ME1: variants seen among roughly 807,000 people sequenced by gnomAD.
ME1 encodes the protein NADP-dependent malic enzyme.
A neutral mutation model predicts 66.4 loss-of-function variants in ME1; 74 were observed. That is an observed-to-expected ratio of 1.11 (90% CI 0.92 to 1.35). The LOEUF (loss-of-function observed/expected upper bound fraction) is 1.35. Among genes scored for constraint, ME1 ranks in the 40% most tolerant of loss-of-function variants. ME1 has a pLI of 0.00. For synonymous variants in ME1, 251 were observed against 235.6 expected (o/e 1.07, Z -0.60); for missense variants, 750 against 694.1 (o/e 1.08, Z -0.90).
chr6:83,220,049 T>C (rs1790061712), intron 12 of ME1, among the ~76,000 whole-genome samples: 1 of 152,222 alleles, frequency 6.6e-6, no homozygotes, highest in African/African-American at 2.4e-5. Context: ...TTCAACTATT[T>C]ATATGACATA....
intron 6 of ME1, among the ~76,000 whole-genome samples, chr6:83,310,836 T>C (rs1326721867): frequency 6.6e-6 from 1 of 152,184 alleles, no homozygotes; most frequent in African/African-American, 2.4e-5. Flanking sequence ...TCAGCTTCTG[T>C]AGCTGCTGGG....
chr6:83,235,938 T>C (rs918719488), intron 9 of ME1, among the ~76,000 whole-genome samples: 2 of 152,190 alleles, frequency 1.3e-5, no homozygotes, highest in South Asian at 2.1e-4. Context: ...AGGAACAGAT[T>C]ACTAAAAATT....
chr6:83,310,950 A>C (rs1767919077), intron 6 of ME1, among the ~76,000 whole-genome samples: 1 of 152,126 alleles, frequency 6.6e-6, no homozygotes, highest in Admixed American at 6.5e-5. Context: ...GTTACAAAAG[A>C]ATGGGAATTT....
At chr6:83,324,390 A>G (rs1338582294) in intron 5 of ME1, among the ~76,000 whole-genome samples, 1 of 151,888 alleles carries the variant, frequency 6.6e-6, no homozygotes, top group Non-Finnish European at 1.5e-5. Context: ...AAAATGAATG[A>G]ATCCAGGAGC....
chr6:83,233,554 T>A (rs1444641079), intron 9 of ME1, among the ~76,000 whole-genome samples: 1 of 152,086 alleles, frequency 6.6e-6, no homozygotes, highest in Non-Finnish European at 1.5e-5. Context: ...GCTGGAATAA[T>A]AATTATCTAG....
chr6:83,381,066 A>G (rs1364944073), intron 3 of ME1, among the ~76,000 whole-genome samples: 1 of 152,160 alleles, frequency 6.6e-6, no homozygotes, highest in Admixed American at 6.6e-5. Flanking sequence ...GAGTGTTTAC[A>G]TTCTTGTAAC....
At chr6:83,228,714 G>A (rs148630524) in intron 10 of ME1, 112 bp downstream of exon 10, 68 of 719,384 alleles carry the variant, frequency 9.5e-5, no homozygotes, top group Non-Finnish European at 1.4e-4. Flanking sequence ...TTGAGCGAAC[G>A]TGTAGTTTTT....
At chr6:83,339,981 AG>A (rs67609568) in intron 5 of ME1, among the ~76,000 whole-genome samples, 44,793 of 145,456 alleles carry the variant, frequency 0.31, 7,230 homozygotes, top group Middle Eastern at 0.47. Context: ...AAAAAAAAAA[AG>A]AAAAGAAAAG....
At chr6:83,355,473 T>A (rs1317561371) in intron 3 of ME1, among the ~76,000 whole-genome samples, 2 of 152,154 alleles carry the variant, frequency 1.3e-5, no homozygotes, top group African/African-American at 2.4e-5. Flanking sequence ...AATGCCAATG[T>A]TTATTATATC....
chr6:83,364,173 C>T (rs1203402453), intron 3 of ME1, among the ~76,000 whole-genome samples: 2 of 152,080 alleles, frequency 1.3e-5, no homozygotes, highest in African/African-American at 4.8e-5. Flanking sequence ...CAGCTGCCAG[C>T]ATGGCTAGAA....
At chr6:83,229,723 C>G (rs1790262075) in intron 9 of ME1, among the ~76,000 whole-genome samples, 1 of 152,116 alleles carries the variant, frequency 6.6e-6, no homozygotes, top group African/African-American at 2.4e-5. Context: ...CACAGAATCA[C>G]CCCGGGCAAA....
chr6:83,358,002 C>T (rs1314887192), intron 3 of ME1, among the ~76,000 whole-genome samples: 6 of 119,052 alleles, frequency 5.0e-5, no homozygotes, highest in Non-Finnish European at 1.0e-4. Flanking sequence ...TCTAGAGAAC[C>T]CTGACTAATT....
intron 6 of ME1, among the ~76,000 whole-genome samples, chr6:83,271,739 C>T (rs1353574883): frequency 6.6e-6 from 1 of 152,054 alleles, no homozygotes; most frequent in African/African-American, 2.4e-5. Context: ...AAGTATGGGA[C>T]ATTCCAAATT....
At chr6:83,318,588 C>T (rs1170469) in intron 5 of ME1, among the ~76,000 whole-genome samples, 2,861 of 58,440 alleles carry the variant, frequency 0.049, 14 homozygotes, top group Middle Eastern at 0.16. Flanking sequence ...AAATGCAAAT[C>T]AAAACCACAA....
chr6:83,227,234 A>G lies in ME1; in HGVS notation c.1275+101T>C, dbSNP rs565939209. ...GTGCTTTTCTTTCCATTTTGGTTGTATAATTTTTAAACTTAAACAGTAAGC... is the reference window on the plus strand; with the variant it reads ...GTGCTTTTCTTTCCATTTTGGTTGTGTAATTTTTAAACTTAAACAGTAAGC... On this transcript the variant is annotated intron_variant, in intron 11 of 13. Transcript: ENST00000369705. The G allele has an allele frequency of 1.3e-4, 98 of 744,974 alleles. 1 individual carries two copies. The South Asian group carries it at 5.1e-3, about 38-fold the overall frequency. 46.1% of individuals were successfully genotyped at this position (744,974 alleles called of 1,614,324 possible).
chr6:83,273,749 T>C (rs1248946411), intron 6 of ME1, among the ~76,000 whole-genome samples: 1 of 152,204 alleles, frequency 6.6e-6, no homozygotes, highest in East Asian at 1.9e-4. Flanking sequence ...ATCTACTTCA[T>C]GTTATGTGTT....
At chr6:83,257,598 A>G (rs1174730400) in intron 6 of ME1, among the ~76,000 whole-genome samples, 2 of 152,170 alleles carry the variant, frequency 1.3e-5, no homozygotes, top group Middle Eastern at 3.2e-3. Flanking sequence ...CCTTTTATGT[A>G]TGATGCCGTT....
intron 7 of ME1, among the ~76,000 whole-genome samples, chr6:83,250,661 T>C (rs1790707713): frequency 6.6e-6 from 1 of 152,028 alleles, no homozygotes; most frequent in East Asian, 1.9e-4. Context: ...GATGCCACCA[T>C]CATAGATTTC....
At chr6:83,301,904 T>G (rs1195978342) in intron 6 of ME1, among the ~76,000 whole-genome samples, 1 of 152,162 alleles carries the variant, frequency 6.6e-6, no homozygotes, top group East Asian at 1.9e-4. Flanking sequence ...CTCATAGAGC[T>G]AAAAACATAA....
Sources: allele counts gnomAD v4.1 joint callset (sites outside exome capture counted in the v4.1 genomes callset), GRCh38; gene constraint gnomAD v4.1.1; transcripts MANE v1.5; gene names NCBI Gene and HGNC (gene_info 2026-07-23, HGNC 2026-07-21).